The following SYNPO2L variants were observed in gnomAD, a reference collection of about 807,000 sequenced individuals.
The protein encoded by SYNPO2L is synaptopodin 2 like, also known as synaptopodin 2-like protein.
In SYNPO2L, 34 loss-of-function variants were observed where a neutral mutation model predicts 47.5. The ratio of observed to expected loss-of-function variants is 0.72; its 90% CI spans 0.54 to 0.95. The LOEUF (loss-of-function observed/expected upper bound fraction) is 0.95. SYNPO2L is among the 40% of genes least tolerant of loss of function. The pLI, the probability that SYNPO2L is intolerant of heterozygous loss-of-function variation, is 0.00. For synonymous variants in SYNPO2L, 536 were observed against 524.9 expected (o/e 1.02, Z -0.29); for missense variants, 1,246 against 1,282.0 (o/e 0.97, Z 0.43).
intron 3 of SYNPO2L, chr10:73,650,867 A>C (rs774129263): frequency 6.4e-7 from 1 of 1,557,852 alleles, no homozygotes; most frequent in Admixed American, 1.9e-5. Flanking sequence ...CTTCCCCTCC[A>C]TTCTAGACCC....
In SYNPO2L at chr10:73,648,447, G is replaced by A; in HGVS notation, c.1205C>T (p.Thr402Ile). ...TGGTTCGACCCGTGCCAGTTCCTGG[G>A]TGCTGGAGTCTGCGCGCTGGCGCTG... ...EQQRQRADSS[T>I]QELARVEPAA... The change falls in exon 4 of 4, where the codon ACC becomes ATC. Residue 402 changes from threonine to isoleucine, a missense_variant. By Grantham distance (89) the Thr-to-Ile change is moderately conservative. Around this residue, in one of 3 missense-constraint regions of SYNPO2L, gnomAD observed 1,037 missense variants for 1,021.5 expected, o/e 1.02. Coordinates refer to ENST00000394810, the MANE Select transcript of SYNPO2L (RefSeq NM_001114133.3). 1 of 1,610,150 alleles carries A rather than the reference G, an allele frequency of 6.2e-7. No individual in the cohort carries two copies. Among genetic ancestry groups the A allele is most frequent in the Non-Finnish European group, 8.5e-7 (1 of 1,179,850 alleles).
At chr10:73,654,407 T>C (rs532635908) in intron 1 of SYNPO2L, 127 bp from the exon 2 acceptor site, 10 of 1,212,988 alleles carry the variant, frequency 8.2e-6, no homozygotes, top group South Asian at 3.0e-5. Flanking sequence ...GGGAGATGCA[T>C]GGAAGTGGCT....
At position 73,653,539 on chromosome 10, in the gene SYNPO2L, C is replaced by G. The variant is rs751232541; in HGVS notation, c.372G>C (p.Gln124His). The G allele has an allele frequency of 1.9e-6, 3 of 1,551,990 alleles. No homozygotes were observed. Among genetic ancestry groups the G allele is most frequent in the Non-Finnish European group, 2.6e-6 (3 of 1,147,048 alleles). The change falls in exon 3 of 4, where the codon CAG becomes CAC. Residue 124 changes from glutamine (Q) to histidine (H), a missense_variant. By Grantham distance (24) the Gln-to-His change is conservative (BLOSUM62 0). This residue lies in a region of SYNPO2L where 148 missense variants were observed against 204.8 expected (regional missense o/e 0.72). Transcript: ENST00000394810. ...CAGGAGGTGAACGAAGGCTCCCAGG[C>G]TGAAGAGGCTGAGGAACTGGAGCAC... ...PPGAPVPQPL[Q>H]PGSLRSPPDS...
Position 73,653,091 on chromosome 10 carries a change from G to T in SYNPO2L, c.772+48C>A, listed in dbSNP as rs138625435. On this transcript the variant is annotated intron_variant, in intron 3 of 3. Transcript: ENST00000394810. Reference sequence around the variant, plus strand: ...ACGGCTATAGAAGGCTGGATTTAAGGCTCAGATTGAAGGATCCTGGCTGGG... The same window carrying T: ...ACGGCTATAGAAGGCTGGATTTAAGTCTCAGATTGAAGGATCCTGGCTGGG... The T allele has an allele frequency of 4.5e-5, 65 of 1,435,928 alleles. 1 individual carries two copies. The Middle Eastern group carries it at 1.5e-3, about 32-fold the overall frequency. The allele number at this position is 1,435,928 out of a possible 1,614,324, so 88.9% of individuals were successfully genotyped here.
At chr10:73,648,944 A>G in intron 3 of SYNPO2L, 65 bp from the exon 4 acceptor site, 1 of 1,423,890 alleles carries the variant, frequency 7.0e-7, no homozygotes, top group South Asian at 1.6e-5. Flanking sequence ...CTGTTCCCCA[A>G]GGCTTTCACC....
rs970229993 is a variant in SYNPO2L, at chr10:73,649,901, G to T, written c.773-1022C>A. The T allele has an allele frequency of 1.1e-5, 11 of 985,374 alleles. No homozygotes were observed. In the Admixed American group the frequency reaches 3.1e-4, roughly 28 times the overall value. 61.0% of individuals were successfully genotyped at this position (985,374 alleles called of 1,614,324 possible). A position where few individuals can be genotyped will look rare whatever the true frequency, so the allele number is the denominator to read the frequency against. ...CAAATCTTTAGGATACCTCAAGGTC[G>T]CCAGCTAAATATATTATTTACCCCA... On this transcript the variant is annotated intron_variant, in intron 3 of 3. Coordinates refer to ENST00000394810, the MANE Select transcript of SYNPO2L (RefSeq NM_001114133.3).
At position 73,646,090 on chromosome 10, in the gene SYNPO2L, C is replaced by A; in HGVS notation, c.*628G>T. On this transcript the variant is annotated 3_prime_UTR_variant, in exon 4 of 4. Transcript: ENST00000394810. The stretch of plus-strand genomic sequence containing the variant: ...CCGCCCGCCTCGGCCTCCCAAAGTG[C>A]TGGGATTACCGGCGTGAGCCACCGT... The A allele has an allele frequency of 8.1e-6, 8 of 985,248 alleles. No individual in the cohort carries two copies. Among genetic ancestry groups the A allele is most frequent in the Non-Finnish European group, 9.6e-6 (8 of 829,870 alleles). 61.0% of individuals were successfully genotyped at this position (985,248 alleles called of 1,614,324 possible).
In SYNPO2L at chr10:73,648,190, G is replaced by A; in HGVS notation, c.1462C>T (p.Arg488Trp). The A allele has an allele frequency of 1.3e-6, 2 of 1,569,496 alleles. No homozygotes were observed. The highest frequency in any genetic ancestry group is 1.7e-6 in the Non-Finnish European group (2 of 1,159,938). ...QRPTTTSVIF[R>W]PLAPKRANDS... ...TTCGCCCTTTTGGGGGCTAAAGGCC[G>A]GAAAATAACCGAGGTGGTAGTTGGC... The change falls in exon 4 of 4, where the codon CGG becomes TGG. Residue 488 changes from arginine (R) to tryptophan (W), a missense_variant. Transcript: ENST00000394810.
chr10:73,651,097 C>A, intron 3 of SYNPO2L: 1 of 1,446,438 alleles, frequency 6.9e-7, no homozygotes, highest in Non-Finnish European at 9.1e-7. Flanking sequence ...CCAGAGCTGG[C>A]AGCTGAATGA....
chr10:73,652,975 G>A (rs1431796745), intron 3 of SYNPO2L, among the ~76,000 whole-genome samples, 164 bp downstream of exon 3: 23 of 152,128 alleles, frequency 1.5e-4, no homozygotes, highest in Non-Finnish European at 1.5e-5. Flanking sequence ...CAAAAATAAT[G>A]GTGGCCATGA....
At position 73,646,479 on chromosome 10, in the gene SYNPO2L, G is replaced by A. The variant is rs1033930629; in HGVS notation, c.*239C>T. The A allele has an allele frequency of 1.6e-6, 2 of 1,218,150 alleles. No homozygotes were observed. Among genetic ancestry groups the A allele is most frequent in the Middle Eastern group, 3.2e-4 (1 of 3,170 alleles). 75.5% of individuals were successfully genotyped at this position (1,218,150 alleles called of 1,614,324 possible). A position where few individuals can be genotyped will look rare whatever the true frequency, so the allele number is the denominator to read the frequency against. On this transcript the variant is annotated 3_prime_UTR_variant, in exon 4 of 4. Transcript: ENST00000394810. ...CCTGGAAATAAAGACAGAGATCCAGGAAAGGAAATGCAGAGACAAAGAGAG... is the reference window on the plus strand; with the variant it reads ...CCTGGAAATAAAGACAGAGATCCAGAAAAGGAAATGCAGAGACAAAGAGAG...
rs754875968 is a variant in SYNPO2L at position 73,648,710 on chromosome 10, C to T, written c.942G>A (p.Gly314=). The part of the protein sequence containing the change: ...RAKKYTLVSF[G]AAAGTGAEEE... ...CCTCAGCGCCTGTCCCAGCAGCAGC[C>T]CCGAAGCTCACCAGGGTGTACTTCT... The change falls in exon 4 of 4, where the codon GGG becomes GGA. Residue 314 remains glycine (G), a synonymous_variant. Coordinates refer to ENST00000394810, the MANE Select transcript of SYNPO2L (RefSeq NM_001114133.3). 1.9e-6 allele frequency: 3 copies of T among 1,611,108 alleles called. No homozygotes were observed. The highest frequency in any genetic ancestry group is 2.5e-6 in the Non-Finnish European group (3 of 1,177,598).
rs2081783219 is a variant in SYNPO2L at position 73,647,760 on chromosome 10, C to T, written c.1892G>A (p.Gly631Glu). The T allele has an allele frequency of 1.9e-6, 3 of 1,613,820 alleles. No homozygotes were observed. Among genetic ancestry groups the T allele is most frequent in the Admixed American group, 1.7e-5 (1 of 59,998 alleles). Residue 631 changes from glycine to glutamate, a missense_variant, in exon 4 of 4, where the codon GGG becomes GAG. By Grantham distance (98) the Gly-to-Glu change is moderately conservative. This residue lies in a region of SYNPO2L where 1,037 missense variants were observed against 1,021.5 expected (regional missense o/e 1.02). Transcript: ENST00000394810. ...TGILQEARRR[G>E]TRKQMFRPGK... ...CGGCCGGAACATCTGCTTCCGGGTCCCCCGGCGCCGGGCCTCCTGCAGGAT... is the reference window on the plus strand; with the variant it reads ...CGGCCGGAACATCTGCTTCCGGGTCTCCCGGCGCCGGGCCTCCTGCAGGAT...
chr10:73,650,425 C>T (rs2081832031), intron 3 of SYNPO2L, among the ~76,000 whole-genome samples: 1 of 152,160 alleles, frequency 6.6e-6, no homozygotes, highest in South Asian at 2.1e-4. Context: ...TACCTCACCT[C>T]ATTAAAGTTC....
In SYNPO2L at chr10:73,646,762, C is replaced by T. The variant is rs1482775968; in HGVS notation, c.2890G>A (p.Gly964Arg). 5 of 1,516,138 alleles carry T rather than the reference C, an allele frequency of 3.3e-6. No individual in the cohort carries two copies. The highest frequency in any genetic ancestry group is 4.4e-6 in the Non-Finnish European group (5 of 1,133,396). The allele number at this position is 1,516,138 out of a possible 1,614,324, so 93.9% of individuals were successfully genotyped here. The change falls in exon 4 of 4, where the codon GGA (glycine) becomes AGA (arginine). Residue 964 changes from glycine (G) to arginine (R), a missense_variant. Physicochemically the swap from Gly to Arg is moderately radical, Grantham distance 125. Transcript: ENST00000394810. ...ARPRFSATRT[G>R]LQAHVWRPGA... ...GGCCTCCACACATGAGCTTGCAATCCTGTTCTGGTGGCTGAAAATCGGGGC... is the reference window on the plus strand; with the variant it reads ...GGCCTCCACACATGAGCTTGCAATCTTGTTCTGGTGGCTGAAAATCGGGGC...
At chr10:73,654,060 G>A in intron 2 of SYNPO2L, 69 bp downstream of exon 2, 2 of 1,515,334 alleles carry the variant, frequency 1.3e-6, no homozygotes, top group Non-Finnish European at 1.8e-6. Flanking sequence ...CCAGGCCAGT[G>A]AGACATAGAG....
chr10:73,646,920 G>C lies in SYNPO2L; in HGVS notation c.2732C>G (p.Ala911Gly), dbSNP rs1288114466. 1 of 1,586,554 alleles carries C rather than the reference G, an allele frequency of 6.3e-7. No individual in the cohort carries two copies. Among genetic ancestry groups the C allele is most frequent in the East Asian group, 2.2e-5 (1 of 44,548 alleles). The change falls in exon 4 of 4, where the codon GCA becomes GGA. Residue 911 changes from alanine to glycine, a missense_variant. Physicochemically the swap from Ala to Gly is moderately conservative, Grantham distance 60. Transcript: ENST00000394810. Reference protein sequence around the residue: ...PLAPTVLAPRAATTLDEPIWR... With the variant: ...PLAPTVLAPRGATTLDEPIWR... ...GATGGGCTCATCCAGTGTAGTGGCTGCTCGGGGGGCAAGCACAGTGGGAGC... is the reference window on the plus strand; with the variant it reads ...GATGGGCTCATCCAGTGTAGTGGCTCCTCGGGGGGCAAGCACAGTGGGAGC...
In SYNPO2L at chr10:73,648,296, T is replaced by A; in HGVS notation, c.1356A>T (p.Pro452=). Residue 452 remains proline (P), a synonymous_variant, in exon 4 of 4, where the codon CCA becomes CCT. Transcript: ENST00000394810. ...GAGCTGGGGTCGGGGCTCCACCACC[T>A]GGTTGGAAGGGTCTGGGGCTGGCTA... The part of the protein sequence containing the change: ...APVASPRPFQ[P]GGGAPTPAPS... 2.5e-6 allele frequency: 4 copies of A among 1,603,060 alleles called. No homozygotes were observed. Among genetic ancestry groups the A allele is most frequent in the Non-Finnish European group, 3.4e-6 (4 of 1,179,070 alleles).
chr10:73,650,750 G>C, intron 3 of SYNPO2L: 1 of 985,374 alleles, frequency 1.0e-6, no homozygotes, highest in Non-Finnish European at 1.2e-6. Context: ...CAGCATCACT[G>C]AGAAAGGGGC....
Sources: allele counts gnomAD v4.1 joint callset (sites outside exome capture counted in the v4.1 genomes callset), GRCh38; gene constraint gnomAD v4.1.1; regional missense constraint gnomAD v4.1.1; transcripts MANE v1.5; gene names NCBI Gene and HGNC (gene_info 2026-07-23, HGNC 2026-07-21).